The following GALNTL6 variants were observed in gnomAD, a reference collection of about 807,000 sequenced individuals.
The protein encoded by GALNTL6 is polypeptide N-acetylgalactosaminyltransferase like 6.
In GALNTL6, 46 loss-of-function variants were observed where a neutral mutation model predicts 73.7. That is an observed-to-expected ratio of 0.62 (90% CI 0.49 to 0.80). The LOEUF (loss-of-function observed/expected upper bound fraction) is 0.80. GALNTL6 is among the 30% of genes least tolerant of loss of function. The probability of loss-of-function intolerance (pLI) is 0.00; values close to 1 mark genes in which losing one functional copy is unlikely to be tolerated. For missense variants in GALNTL6, 604 were observed against 755.0 expected (o/e 0.80, Z 2.34); for synonymous variants, 259 against 263.7 (o/e 0.98, Z 0.17).
At chr4:171,839,601 C>G (rs1253759081) in intron 2 of GALNTL6, among the ~76,000 whole-genome samples, 1 of 151,238 alleles carries the variant, frequency 6.6e-6, no homozygotes, top group African/African-American at 2.4e-5. Flanking sequence ...TACGTTCACA[C>G]ATGCATAGGT....
chr4:172,237,022 C>A (rs1737267216), intron 3 of GALNTL6, among the ~76,000 whole-genome samples: 1 of 152,152 alleles, frequency 6.6e-6, no homozygotes, highest in Non-Finnish European at 1.5e-5. Context: ...CAGCTCCATC[C>A]ATGTTGCTGC....
At chr4:172,847,428 G>A (rs936664959) in intron 7 of GALNTL6, among the ~76,000 whole-genome samples, 1 of 151,944 alleles carries the variant, frequency 6.6e-6, no homozygotes, top group Admixed American at 6.6e-5. Flanking sequence ...GAGAAAGTTT[G>A]TACTGATCAA....
At chr4:172,829,343 G>A (rs1453771900) in intron 7 of GALNTL6, among the ~76,000 whole-genome samples, 1 of 152,166 alleles carries the variant, frequency 6.6e-6, no homozygotes, top group Non-Finnish European at 1.5e-5. Context: ...AGAGTTTGGA[G>A]TCAGTATTGG....
intron 2 of GALNTL6, among the ~76,000 whole-genome samples, chr4:171,998,110 A>G (rs1333788665): frequency 6.6e-6 from 1 of 152,138 alleles, no homozygotes; most frequent in Non-Finnish European, 1.5e-5. Context: ...TATGTGGATG[A>G]CTGAACAGAA....
intron 9 of GALNTL6, among the ~76,000 whole-genome samples, chr4:172,932,522 G>T (rs1004134065): frequency 6.6e-6 from 1 of 152,002 alleles, no homozygotes; most frequent in Non-Finnish European, 1.5e-5. Flanking sequence ...AGAGCTCCTA[G>T]TAATAACATT....
intron 2 of GALNTL6, among the ~76,000 whole-genome samples, chr4:171,987,520 T>C (rs530723976): frequency 2.0e-5 from 3 of 152,324 alleles, no homozygotes; most frequent in South Asian, 2.1e-4. Context: ...TTTTCTGACT[T>C]GGGGCATGTT....
At chr4:172,834,986 T>A (rs1041494508) in intron 7 of GALNTL6, among the ~76,000 whole-genome samples, 3 of 152,218 alleles carry the variant, frequency 2.0e-5, no homozygotes, top group Non-Finnish European at 4.4e-5. Flanking sequence ...AAGAAGACAC[T>A]GTTCTCCTTT....
At chr4:172,299,203 T>C (rs1236478797) in intron 3 of GALNTL6, among the ~76,000 whole-genome samples, 6 of 152,066 alleles carry the variant, frequency 3.9e-5, no homozygotes, top group South Asian at 4.1e-4. Flanking sequence ...TCTGTGGAAT[T>C]GGTGGTGATA....
At chr4:171,825,090 G>A (rs693882) in intron 2 of GALNTL6, among the ~76,000 whole-genome samples, 105,593 of 151,986 alleles carry the variant, frequency 0.69, 38,918 homozygotes, top group Admixed American at 0.83. Context: ...GGGAAAAAAC[G>A]ATCTTTTAAA....
At chr4:172,745,909 G>T (rs770798016) in intron 5 of GALNTL6, among the ~76,000 whole-genome samples, 6 of 152,138 alleles carry the variant, frequency 3.9e-5, no homozygotes, top group Non-Finnish European at 7.4e-5. Flanking sequence ...GCTATGGAGT[G>T]TGGCAGAGTC....
intron 8 of GALNTL6, among the ~76,000 whole-genome samples, chr4:172,930,665 T>G (rs2111317673): frequency 6.6e-6 from 1 of 152,304 alleles, no homozygotes; most frequent in South Asian, 2.1e-4. Context: ...CAGGATTTTA[T>G]TGAACTAGTA....
intron 2 of GALNTL6, among the ~76,000 whole-genome samples, chr4:172,089,356 C>T (rs982357053): frequency 1.3e-5 from 2 of 152,116 alleles, no homozygotes; most frequent in Non-Finnish European, 2.9e-5. Context: ...GGGCAGACAG[C>T]GGCAATCTGA....
At chr4:172,156,096 C>T (rs1483161431) in intron 2 of GALNTL6, among the ~76,000 whole-genome samples, 1 of 145,242 alleles carries the variant, frequency 6.9e-6, no homozygotes, top group African/African-American at 2.6e-5. Flanking sequence ...GGGCTGAGGC[C>T]TAAAATGGCG....
At chr4:172,366,838 A>G (rs1415405905) in intron 5 of GALNTL6, among the ~76,000 whole-genome samples, 1 of 152,228 alleles carries the variant, frequency 6.6e-6, no homozygotes, top group Non-Finnish European at 1.5e-5. Context: ...GAATGAATAT[A>G]ATAATGCTAC....
At chr4:172,799,901 G>A (rs937646734) in intron 5 of GALNTL6, among the ~76,000 whole-genome samples, 11 of 152,094 alleles carry the variant, frequency 7.2e-5, no homozygotes, top group African/African-American at 1.7e-4. Context: ...TAAACAACAC[G>A]TGGTATATAA....
chr4:171,946,085 A>G (rs189317734), intron 2 of GALNTL6, among the ~76,000 whole-genome samples: 47 of 152,316 alleles, frequency 3.1e-4, no homozygotes, highest in Admixed American at 6.5e-4. Context: ...GCAGCTTAAC[A>G]GATAGAATTA....
At chr4:172,801,733 C>T (rs1477367426) in intron 5 of GALNTL6, among the ~76,000 whole-genome samples, 1 of 152,112 alleles carries the variant, frequency 6.6e-6, no homozygotes, top group Non-Finnish European at 1.5e-5. Flanking sequence ...TTCTCCAGAA[C>T]TATTATACAT....
intron 2 of GALNTL6, among the ~76,000 whole-genome samples, chr4:172,050,680 C>T (rs895699821): frequency 2.0e-5 from 3 of 152,130 alleles, no homozygotes; most frequent in African/African-American, 7.2e-5. Flanking sequence ...TTTCTAACTT[C>T]CTTGCCTATT....
At chr4:172,155,440 C>T (rs1248355649) in intron 2 of GALNTL6, among the ~76,000 whole-genome samples, 1 of 152,104 alleles carries the variant, frequency 6.6e-6, no homozygotes. Flanking sequence ...TGGGGTTCAG[C>T]CTTCAGAACT....
Sources: gnomAD v4.1 joint callset for allele counts (sites outside exome capture counted in the v4.1 genomes callset) on GRCh38, gnomAD v4.1.1 for gene constraint, MANE v1.5 for transcripts, NCBI Gene and HGNC (gene_info 2026-07-23, HGNC 2026-07-21) for gene names.